The following TANC1 variants were observed in gnomAD, a reference collection of about 807,000 sequenced individuals.
TANC1 encodes the protein tetratricopeptide repeat, ankyrin repeat and coiled-coil containing 1, also known as protein TANC1.
TANC1 carries 77 observed loss-of-function variants against 149.7 expected under a neutral mutation model. The ratio of observed to expected loss-of-function variants is 0.51; its 90% CI spans 0.43 to 0.62. The LOEUF (loss-of-function observed/expected upper bound fraction) is 0.62. Among genes scored for constraint, TANC1 ranks in the 20% least tolerant of loss-of-function variants. TANC1 has a pLI of 0.00. For missense variants in TANC1, 1,985 were observed against 2,321.8 expected (o/e 0.85, Z 2.98); for synonymous variants, 854 against 925.0 (o/e 0.92, Z 1.39).
At chr2:159,081,736 A>G (rs2044293047) in intron 3 of TANC1, among the ~76,000 whole-genome samples, 1 of 152,050 alleles carries the variant, frequency 6.6e-6, no homozygotes, top group Non-Finnish European at 1.5e-5. Context: ...GGAAAACCCT[A>G]GAGAGATTGG....
intron 4 of TANC1, among the ~76,000 whole-genome samples, chr2:159,133,613 A>T (rs1314596631): frequency 6.6e-6 from 1 of 151,592 alleles, no homozygotes. Flanking sequence ...CCAAACCCCC[A>T]CAAGTCTTTT....
chr2:159,048,508 G>C (rs1020671173), intron 2 of TANC1, among the ~76,000 whole-genome samples: 1 of 152,098 alleles, frequency 6.6e-6, no homozygotes, highest in East Asian at 1.9e-4. Flanking sequence ...CAAATTCAGG[G>C]CATTTTTGAA....
At chr2:159,036,281 T>C (rs1349450442) in intron 2 of TANC1, among the ~76,000 whole-genome samples, 2 of 152,304 alleles carry the variant, frequency 1.3e-5, no homozygotes, top group African/African-American at 2.4e-5. Context: ...ATCAACCTTA[T>C]GTAGGAAAAA....
chr2:158,984,631 A>G (rs2034800128), intron 1 of TANC1, among the ~76,000 whole-genome samples: 1 of 152,174 alleles, frequency 6.6e-6, no homozygotes, highest in Non-Finnish European at 1.5e-5. Context: ...AGACAAGTGC[A>G]CACACAGTAC....
chr2:159,148,021 G>A (rs901245816), intron 5 of TANC1: 8 of 152,152 alleles, frequency 5.3e-5, no homozygotes, highest in Non-Finnish European at 1.2e-4. Context: ...GTAGCTCAAC[G>A]GCAACATCAC....
intron 4 of TANC1, among the ~76,000 whole-genome samples, chr2:159,117,341 A>G (rs1262842876): frequency 6.6e-6 from 1 of 152,182 alleles, no homozygotes; most frequent in Non-Finnish European, 1.5e-5. Context: ...GGACATTAGT[A>G]TGACACACTT....
At chr2:159,030,486 A>G (rs893313408) in intron 2 of TANC1, among the ~76,000 whole-genome samples, 6 of 152,184 alleles carry the variant, frequency 3.9e-5, no homozygotes, top group Non-Finnish European at 7.4e-5. Context: ...AAGTTATTTC[A>G]TAGTTGTAAT....
chr2:159,039,524 T>A (rs1432554861), intron 2 of TANC1, among the ~76,000 whole-genome samples: 1 of 152,238 alleles, frequency 6.6e-6, no homozygotes, highest in Non-Finnish European at 1.5e-5. Flanking sequence ...CTGCTCTAAA[T>A]GTGTCCCAGA....
intron 1 of TANC1, among the ~76,000 whole-genome samples, chr2:158,969,221 C>T: frequency 6.6e-6 from 1 of 152,230 alleles, no homozygotes; most frequent in South Asian, 2.1e-4. Flanking sequence ...GTACCTGGCG[C>T]GGGGGAGGCG....
Position 159,194,271 on chromosome 2 carries a change from G to A in TANC1, c.2757G>A (p.Leu919=), listed in dbSNP as rs771961150. The change falls in exon 17 of 27, where the codon CTG becomes CTA. Residue 919 remains leucine, a synonymous_variant. Coordinates refer to ENST00000263635, the MANE Select transcript of TANC1 (RefSeq NM_033394.3). ...TTGTCCAACAGGTGAGCCGTCTCCT[G>A]ATTTTGGGAGGGGCCAACGTGAACT... ...YTPNVKVSRL[L]ILGGANVNYR... is the part of the protein sequence containing the mutation. The A allele has an allele frequency of 3.3e-5, 53 of 1,613,592 alleles. No homozygotes were observed. In the South Asian group the frequency reaches 5.3e-4, roughly 16 times the overall value.
chr2:159,078,013 A>G (rs1309945340), intron 3 of TANC1, among the ~76,000 whole-genome samples: 1 of 152,198 alleles, frequency 6.6e-6, no homozygotes, highest in Non-Finnish European at 1.5e-5. Flanking sequence ...TCTGTTTTTA[A>G]TTATGCAGTT....
chr2:158,981,513 A>ATG (rs1207502978), intron 1 of TANC1, among the ~76,000 whole-genome samples: 1 of 115,012 alleles, frequency 8.7e-6, no homozygotes, highest in Non-Finnish European at 1.9e-5. Flanking sequence ...ATATATATAT[A>ATG]TATATATATA....
chr2:159,039,374 T>A (rs2040451785), intron 2 of TANC1, among the ~76,000 whole-genome samples: 1 of 152,184 alleles, frequency 6.6e-6, no homozygotes, highest in African/African-American at 2.4e-5. Context: ...TGATCTTAGT[T>A]ATTTCTTGCC....
At chr2:159,131,454 C>T (rs1231897283) in intron 4 of TANC1, among the ~76,000 whole-genome samples, 1 of 152,058 alleles carries the variant, frequency 6.6e-6, no homozygotes, top group Admixed American at 6.5e-5. Context: ...CCCTGCCTTC[C>T]GATGGGCCTG....
chr2:159,047,452 A>G (rs1054882081), intron 2 of TANC1, among the ~76,000 whole-genome samples: 1 of 152,106 alleles, frequency 6.6e-6, no homozygotes, highest in Non-Finnish European at 1.5e-5. Context: ...CCAAATCGCT[A>G]AAGCTAAAAG....
chr2:159,145,784 T>TG (rs896324061), intron 5 of TANC1, among the ~76,000 whole-genome samples: 2 of 152,166 alleles, frequency 1.3e-5, no homozygotes, highest in Non-Finnish European at 2.9e-5. Context: ...AATGTGCTGC[T>TG]GGGGGGAGTA....
chr2:158,989,480 C>A (rs987281420), intron 1 of TANC1, among the ~76,000 whole-genome samples: 2 of 151,790 alleles, frequency 1.3e-5, no homozygotes, highest in African/African-American at 4.8e-5. Flanking sequence ...CGTGGTGGCT[C>A]ATGCCTATAG....
At chr2:159,181,311 T>C (rs1246788774) in intron 14 of TANC1, among the ~76,000 whole-genome samples, 1 of 152,004 alleles carries the variant, frequency 6.6e-6, no homozygotes, top group African/African-American at 2.4e-5. Context: ...GCTTTTTTTT[T>C]TTTTCAGACG....
chr2:159,047,458 A>G (rs1256501051), intron 2 of TANC1, among the ~76,000 whole-genome samples: 1 of 152,114 alleles, frequency 6.6e-6, no homozygotes, highest in Non-Finnish European at 1.5e-5. Flanking sequence ...CGCTAAAGCT[A>G]AAAGAAAATT....
Sources: allele counts gnomAD v4.1 joint callset (sites outside exome capture counted in the v4.1 genomes callset), GRCh38; gene constraint gnomAD v4.1.1; transcripts MANE v1.5; gene names NCBI Gene and HGNC (gene_info 2026-07-23, HGNC 2026-07-21).